CUX1: variants seen among roughly 807,000 people sequenced by gnomAD.
CUX1 encodes the protein cut like homeobox 1.
In CUX1, 31 loss-of-function variants were observed where a neutral mutation model predicts 158.8. The ratio of observed to expected loss-of-function variants is 0.20; its 90% CI spans 0.15 to 0.26. CUX1 has a LOEUF of 0.26. CUX1 is among the 10% of genes least tolerant of loss of function. The probability of loss-of-function intolerance (pLI) is 1.00; values close to 1 mark genes in which losing one functional copy is unlikely to be tolerated. For synonymous variants in CUX1, 879 were observed against 862.1 expected (o/e 1.02, Z -0.34); for missense variants, 1,589 against 2,014.6 (o/e 0.79, Z 4.04).
At chr7:101,816,980 G>T (rs1187292655), upstream of CUX1, 11 of 983,922 alleles carry the variant, frequency 1.1e-5, no homozygotes, top group Admixed American at 6.2e-5. Context: ...CCTCGCGGCC[G>T]CCGCGCTCTT....
chr7:102,085,380 G>C (rs1418937947), intron 4 of CUX1, among the ~76,000 whole-genome samples: 1 of 152,170 alleles, frequency 6.6e-6, no homozygotes, highest in Non-Finnish European at 1.5e-5. Context: ...TTGAATTGTA[G>C]TTCCCATAAA....
intron 2 of CUX1, among the ~76,000 whole-genome samples, chr7:101,975,746 G>A (rs1430123196): frequency 6.6e-6 from 1 of 152,202 alleles, no homozygotes; most frequent in African/African-American, 2.4e-5. Context: ...CTTTCCGTGT[G>A]TTTGTTAGCC....
At chr7:102,228,111 T>C (rs573322467) in intron 21 of CUX1, among the ~76,000 whole-genome samples, 2 of 152,106 alleles carry the variant, frequency 1.3e-5, no homozygotes, top group Admixed American at 1.3e-4. Context: ...CCACCACTCC[T>C]GGCTAATTTT....
At chr7:102,276,116 C>T (rs574439509) in intron 17 of CUX1, among the ~76,000 whole-genome samples, 4 of 152,276 alleles carry the variant, frequency 2.6e-5, no homozygotes, top group Admixed American at 6.5e-5. Context: ...ATTGCTTCCA[C>T]CTTTTGGCTG....
intron 21 of CUX1, among the ~76,000 whole-genome samples, chr7:102,233,607 C>A (rs1342909654): frequency 6.6e-6 from 1 of 151,952 alleles, no homozygotes; most frequent in Non-Finnish European, 1.5e-5. Context: ...GCCAACATGG[C>A]GAAAACCCGT....
chr7:102,012,711 GA>G (rs111476455), intron 2 of CUX1, among the ~76,000 whole-genome samples: 138 of 130,776 alleles, frequency 1.1e-3, no homozygotes, highest in African/African-American at 3.7e-3. Context: ...GGGGCGGGGG[GA>G]GGGGGTTGTC....
At chr7:101,878,275 G>C (rs1473170810) in intron 1 of CUX1, among the ~76,000 whole-genome samples, 1 of 152,194 alleles carries the variant, frequency 6.6e-6, no homozygotes, top group Non-Finnish European at 1.5e-5. Context: ...TACTAACTTG[G>C]AATAACGCCA....
intron 9 of CUX1, 67 bp downstream of exon 9, chr7:102,158,675 A>G (rs1480647363): frequency 4.7e-6 from 7 of 1,490,128 alleles, no homozygotes; most frequent in East Asian, 4.6e-5. Context: ...ATCTCGGAAG[A>G]TGCGTCACCC....
chr7:102,026,069 C>T (rs1343859745), intron 2 of CUX1, among the ~76,000 whole-genome samples: 3 of 152,116 alleles, frequency 2.0e-5, no homozygotes, highest in African/African-American at 7.2e-5. Context: ...GTCCCAGCTA[C>T]TTGGGAGGCT....
At chr7:101,894,374 C>T (rs185901470) in intron 1 of CUX1, among the ~76,000 whole-genome samples, 1 of 152,136 alleles carries the variant, frequency 6.6e-6, no homozygotes. Context: ...AGTGCAGCGG[C>T]ACGATCTCGG....
Position 102,252,735 on chromosome 7 carries a change from A to G in CUX1, c.*3693A>G. Reference sequence around the variant, plus strand: ...AGAGGAGTCTTCTGTCCTCCTCCCCAACCCCCGAGCTCCCTGGTAACCTCC... The same window carrying G: ...AGAGGAGTCTTCTGTCCTCCTCCCCGACCCCCGAGCTCCCTGGTAACCTCC... On this transcript the variant is annotated 3_prime_UTR_variant, in exon 24 of 24. Coordinates refer to ENST00000292535, the MANE Select transcript of CUX1 (RefSeq NM_181552.4). The G allele has an allele frequency of 1.0e-6, 1 of 985,374 alleles. No individual in the cohort carries two copies. The highest frequency in any genetic ancestry group is 1.7e-5 in the African/African-American group (1 of 57,294). 61.0% of individuals were successfully genotyped at this position (985,374 alleles called of 1,614,324 possible). A position where few individuals can be genotyped will look rare whatever the true frequency, so the allele number is the denominator to read the frequency against.
At chr7:102,164,131 C>G (rs1174314866) in intron 9 of CUX1, among the ~76,000 whole-genome samples, 1 of 152,188 alleles carries the variant, frequency 6.6e-6, no homozygotes, top group Admixed American at 6.5e-5. Context: ...CCGTCCCGTC[C>G]GGGGGCTTTC....
intron 3 of CUX1, among the ~76,000 whole-genome samples, chr7:102,045,790 CTGG>C (rs761225415): frequency 6.6e-5 from 10 of 152,186 alleles, no homozygotes; most frequent in Non-Finnish European, 1.3e-4. Context: ...TCGGTAACTG[CTGG>C]TAGATTTCTT....
intron 1 of CUX1, among the ~76,000 whole-genome samples, chr7:101,851,600 TC>T (rs1796274561): frequency 6.6e-6 from 1 of 152,192 alleles, no homozygotes; most frequent in South Asian, 2.1e-4. Context: ...AAGATTTGGC[TC>T]CCCGTTTTCT....
intron 1 of CUX1, among the ~76,000 whole-genome samples, chr7:101,893,441 A>G (rs1426237445): frequency 1.3e-5 from 2 of 152,146 alleles, no homozygotes; most frequent in Non-Finnish European, 2.9e-5. Context: ...AGTTCTGGAA[A>G]CATCAGCTCC....
chr7:102,094,149 A>G (rs1220958787), intron 4 of CUX1, among the ~76,000 whole-genome samples: 1 of 152,232 alleles, frequency 6.6e-6, no homozygotes, highest in Admixed American at 6.5e-5. Flanking sequence ...TCATGCAGTA[A>G]TTAGCTGTTC....
At chr7:102,105,499 T>C (rs1411224880) in intron 6 of CUX1, among the ~76,000 whole-genome samples, 2 of 138,852 alleles carry the variant, frequency 1.4e-5, no homozygotes, top group Non-Finnish European at 3.1e-5. Context: ...CCCAACCATA[T>C]AGATCTTTTT....
chr7:102,212,531 A>G (rs1796650869), intron 20 of CUX1, among the ~76,000 whole-genome samples: 1 of 152,146 alleles, frequency 6.6e-6, no homozygotes, highest in Non-Finnish European at 1.5e-5. Flanking sequence ...TGTTTTTATT[A>G]TGATTTGCAG....
rs545441723 is a variant in CUX1, at chr7:102,172,180, C to T, written c.828+1630C>T. Among the ~76,000 whole-genome samples the T allele has an allele frequency of 5.8e-4, 89 of 152,268 alleles. 3 individuals are homozygous for T. The South Asian group carries it at 0.018, about 31-fold the overall frequency. On this transcript the variant is annotated intron_variant, in intron 10 of 23. Transcript: ENST00000292535. ...AGCTCACTGCAACCTCCACCTCCAC[C>T]TCCCGGGTTCAAGCAATTCTCGTGC...
Sources: allele counts gnomAD v4.1 joint callset (sites outside exome capture counted in the v4.1 genomes callset), GRCh38; gene constraint gnomAD v4.1.1; transcripts MANE v1.5; gene names NCBI Gene and HGNC (gene_info 2026-07-23, HGNC 2026-07-21).